Variants in OSBPL3 observed in about 807,000 individuals in gnomAD.
OSBPL3 encodes oxysterol binding protein like 3.
A neutral mutation model predicts 120.1 loss-of-function variants in OSBPL3; 65 were observed. That is an observed-to-expected ratio of 0.54 (90% CI 0.44 to 0.67). OSBPL3 has a LOEUF of 0.67. Among genes scored for constraint, OSBPL3 ranks in the 30% least tolerant of loss-of-function variants. The pLI is 0.00. For synonymous variants in OSBPL3, 416 were observed against 402.6 expected, an observed-to-expected ratio of 1.03 and a Z score of -0.40; for missense variants, 1,004 against 1,082.1, an observed-to-expected ratio of 0.93 and a Z score of 1.01.
intron 1 of OSBPL3, among the ~76,000 whole-genome samples, chr7:24,931,208 T>C (rs937112089): frequency 6.6e-6 from 1 of 152,180 alleles, no homozygotes; most frequent in Non-Finnish European, 1.5e-5. Context: ...GACTGAAAAG[T>C]GTTATTTAAT....
rs553066295 is a variant in OSBPL3 at position 24,854,860 on chromosome 7, G to A, written c.1028-2226C>T. 2.0e-5 allele frequency among the ~76,000 whole-genome samples: 3 copies of A among 152,312 alleles called. No homozygotes were observed. The highest frequency in any genetic ancestry group is 4.2e-4 in the South Asian group (2 of 4,814). ...ATGAGGATTGAATGAGAGAGGGAAT[G>A]CAGGTAAAGCACATAACACAATGCG... On this transcript the variant is annotated intron_variant, in intron 10 of 22. Coordinates refer to ENST00000313367, the MANE Select transcript of OSBPL3 (RefSeq NM_015550.4). The surrounding 1 kb of genome is among the most constrained non-coding windows in gnomAD (Gnocchi z 4.1).
At chr7:24,836,458 A>G (rs767788078) in intron 14 of OSBPL3, among the ~76,000 whole-genome samples, 1 of 152,082 alleles carries the variant, frequency 6.6e-6, no homozygotes, top group South Asian at 2.1e-4. Flanking sequence ...CTCTTGTTTT[A>G]TATTTGTTTT....
At chr7:24,961,054 T>C (rs1815676329) in intron 1 of OSBPL3, among the ~76,000 whole-genome samples, 1 of 152,194 alleles carries the variant, frequency 6.6e-6, no homozygotes, top group Admixed American at 6.5e-5. Flanking sequence ...TTTGTTCATG[T>C]AATGATTTTT....
At chr7:24,857,714 G>A (rs1222988243) in intron 10 of OSBPL3, among the ~76,000 whole-genome samples, 1 of 152,138 alleles carries the variant, frequency 6.6e-6, no homozygotes, top group Non-Finnish European at 1.5e-5. Context: ...TAAATTCCAG[G>A]ATGTTAATAG....
intron 22 of OSBPL3, among the ~76,000 whole-genome samples, chr7:24,801,243 C>CA (rs397976980): frequency 0.3 from 21,718 of 73,578 alleles, 3,669 homozygotes; most frequent in East Asian, 0.7. Flanking sequence ...GACTCCTTCT[C>CA]AAAAAAAAAA....
chr7:24,962,408 AGGGAG>A (rs1159104070), intron 1 of OSBPL3, among the ~76,000 whole-genome samples: 98 of 75,082 alleles, frequency 1.3e-3, no homozygotes, highest in East Asian at 4.8e-3. Context: ...GGAGGGCAGA[AGGGAG>A]GGGAGGGGAG....
In OSBPL3 at chr7:24,849,723, G is replaced by A. The variant is rs1268548331; in HGVS notation, c.1159-547C>T. 1.3e-5 allele frequency among the ~76,000 whole-genome samples: 2 copies of A among 152,190 alleles called. No homozygotes were observed. The highest frequency in any genetic ancestry group is 2.9e-5 in the Non-Finnish European group (2 of 68,026). On this transcript the variant is annotated intron_variant, in intron 11 of 22. Coordinates refer to ENST00000313367, the MANE Select transcript of OSBPL3 (RefSeq NM_015550.4). This position sits in a 1 kb window ranked among gnomAD's most constrained non-coding sequence, Gnocchi z 5.4. ...AATTCCAGCACTTTGGGAGGTGGAG[G>A]CGGGCAGATTACTTGAGGTCAGGAG...
chr7:24,870,776 T>C lies in OSBPL3; in HGVS notation c.337A>G (p.Lys113Glu), dbSNP rs761678069. ...LSVMSVKKSS[K>E]CIDLDTEEHI... The stretch of plus-strand genomic sequence containing the variant: ...TCCTCGGTGTCAAGGTCTATGCATT[T>C]TGATGACTTCTTTACAGACATCACT... Residue 113 changes from lysine to glutamate, a missense_variant, in exon 5 of 23, where the codon AAA becomes GAA. Physicochemically the swap from Lys to Glu is moderately conservative, Grantham distance 56. Around this residue, in one of 4 missense-constraint regions of OSBPL3, gnomAD observed 255 missense variants for 248.7 expected, o/e 1.03. Transcript: ENST00000313367. 2.5e-6 allele frequency: 4 copies of C among 1,613,786 alleles called. No individual in the cohort carries two copies.
Position 24,842,379 on chromosome 7 carries a change from T to C in OSBPL3, c.1301A>G (p.His434Arg). The C allele has an allele frequency of 6.2e-7, 1 of 1,612,380 alleles. No homozygotes were observed. Among genetic ancestry groups the C allele is most frequent in the Non-Finnish European group, 8.5e-7 (1 of 1,179,388 alleles). Residue 434 changes from histidine (H) to arginine (R), a missense_variant, in exon 13 of 23, where the codon CAT becomes CGT. This residue lies in a region of OSBPL3 where 473 missense variants were observed against 568.0 expected (regional missense o/e 0.83). Coordinates refer to ENST00000313367, the MANE Select transcript of OSBPL3 (RefSeq NM_015550.4). ...GAGTCTACTTTCATTAGAAAGCTGA[T>C]GAACTAGAGCTCGGTTTTCATCTCT... ...NSRDENRALV[H>R]QLSNESRLSI...
chr7:24,868,506 C>G (rs929350349), intron 5 of OSBPL3, among the ~76,000 whole-genome samples: 9 of 151,606 alleles, frequency 5.9e-5, no homozygotes, highest in African/African-American at 1.5e-4. Context: ...AGGTTAACTT[C>G]CAAGATGAAA....
At chr7:24,882,467 G>T (rs1803842707) in intron 2 of OSBPL3, among the ~76,000 whole-genome samples, 1 of 152,148 alleles carries the variant, frequency 6.6e-6, no homozygotes, top group African/African-American at 2.4e-5. Flanking sequence ...AGTATTCCAT[G>T]TGTGTATATA....
At position 24,972,987 on chromosome 7, in the gene OSBPL3, C is replaced by T. The variant is rs1453302526; in HGVS notation, c.-150+6899G>A. Among the ~76,000 whole-genome samples the T allele has an allele frequency of 6.6e-6, 1 of 152,088 alleles. No homozygotes were observed. The highest frequency in any genetic ancestry group is 2.4e-5 in the African/African-American group (1 of 41,382). ...GTTACATTGAGGAAAGTATCTGACC[C>T]ACACAATACTAAAAATAAAGATTTT... On this transcript the variant is annotated intron_variant, in intron 1 of 22. Coordinates refer to ENST00000313367, the MANE Select transcript of OSBPL3 (RefSeq NM_015550.4). This position sits in a 1 kb window ranked among gnomAD's most constrained non-coding sequence, Gnocchi z 4.3.
rs112876370 is a variant in OSBPL3, at chr7:24,827,906, T to C, written c.1884+2862A>G. 7.5e-3 allele frequency among the ~76,000 whole-genome samples: 1,136 copies of C among 152,368 alleles called. 17 individuals are homozygous for C. The highest frequency in any genetic ancestry group is 0.026 in the African/African-American group (1,066 of 41,586). On this transcript the variant is annotated intron_variant, in intron 16 of 22. Coordinates refer to ENST00000313367, the MANE Select transcript of OSBPL3 (RefSeq NM_015550.4). The surrounding 1 kb of genome is among the most constrained non-coding windows in gnomAD (Gnocchi z 5.1). ...AAACTACTTGTACTAGAAGTGGAGA[T>C]ATAGCATATCTTATTTGAACATAAG...
At chr7:24,825,786 T>A (rs528099125) in intron 16 of OSBPL3, among the ~76,000 whole-genome samples, 3 of 152,096 alleles carry the variant, frequency 2.0e-5, no homozygotes, top group Non-Finnish European at 4.4e-5. Flanking sequence ...AGTCCTCCAA[T>A]AAATAACAGA....
chr7:24,845,775 TCA>T (rs1431655107), intron 12 of OSBPL3, among the ~76,000 whole-genome samples: 2 of 152,228 alleles, frequency 1.3e-5, no homozygotes, highest in African/African-American at 2.4e-5. Context: ...TTAATATTTT[TCA>T]GTTTGAATTT....
Position 24,805,663 on chromosome 7 carries a change from A to G in OSBPL3, c.2444+1113T>C, listed in dbSNP as rs879569658. ...ATAGCAAGATAGCTTGAAGCATTCT[A>G]TGTATGGCTTTCTTTAAAATAAATT... On this transcript the variant is annotated intron_variant, in intron 21 of 22. Coordinates refer to ENST00000313367, the MANE Select transcript of OSBPL3 (RefSeq NM_015550.4). This position sits in a 1 kb window ranked among gnomAD's most constrained non-coding sequence, Gnocchi z 4.0. 1.3e-5 allele frequency among the ~76,000 whole-genome samples: 2 copies of G among 152,216 alleles called. No individual in the cohort carries two copies. The highest frequency in any genetic ancestry group is 1.3e-4 in the Admixed American group (2 of 15,276).
rs934715764 is a variant in OSBPL3 at position 24,803,446 on chromosome 7, G to C, written c.2567+869C>G. Among the ~76,000 whole-genome samples the C allele has an allele frequency of 3.3e-5, 5 of 152,084 alleles. No individual in the cohort carries two copies. The highest frequency in any genetic ancestry group is 1.2e-4 in the African/African-American group (5 of 41,392). On this transcript the variant is annotated intron_variant, in intron 22 of 22. Coordinates refer to ENST00000313367, the MANE Select transcript of OSBPL3 (RefSeq NM_015550.4). This position sits in a 1 kb window ranked among gnomAD's most constrained non-coding sequence, Gnocchi z 4.2. The stretch of plus-strand genomic sequence containing the variant: ...TTCTACTCAGTTATAGGAGGAGATG[G>C]GGAGGTGAAGGGTTGAAGATCTCTC...
At chr7:24,949,784 C>T (rs897783338) in intron 1 of OSBPL3, among the ~76,000 whole-genome samples, 3 of 152,120 alleles carry the variant, frequency 2.0e-5, no homozygotes, top group Admixed American at 6.5e-5. Flanking sequence ...TGTGTAAATG[C>T]TCTAACTATA....
chr7:24,944,477 A>C (rs955404395), intron 1 of OSBPL3, among the ~76,000 whole-genome samples: 1 of 152,116 alleles, frequency 6.6e-6, no homozygotes, highest in Non-Finnish European at 1.5e-5. Context: ...AAATACAAAA[A>C]AAATTAGCCG....
Sources: gnomAD v4.1 joint callset for allele counts (sites outside exome capture counted in the v4.1 genomes callset) on GRCh38, gnomAD v4.1.1 for gene constraint, gnomAD v4.1.1 regional missense constraint, Gnocchi (gnomAD v3.1) non-coding constraint, MANE v1.5 for transcripts, NCBI Gene and HGNC (gene_info 2026-07-23, HGNC 2026-07-21) for gene names.